PTPRD: variants seen among roughly 807,000 people sequenced by gnomAD.
PTPRD encodes protein tyrosine phosphatase receptor type D.
PTPRD carries 34 observed loss-of-function variants against 214.5 expected under a neutral mutation model. That is an observed-to-expected ratio of 0.16 (90% confidence interval 0.12 to 0.21). PTPRD has a LOEUF of 0.21. Ranked by LOEUF, PTPRD falls within the 10% of genes least tolerant of loss-of-function variation. The pLI is 1.00. For synonymous variants in PTPRD, 1,128 were observed against 845.7 expected (o/e 1.33, Z -5.79); for missense variants, 2,545 against 2,398.7 (o/e 1.06, Z -1.27).
At chr9:9,844,553 A>G (rs1297374435) in intron 5 of PTPRD, among the ~76,000 whole-genome samples, 1 of 152,040 alleles carries the variant, frequency 6.6e-6, no homozygotes, top group Non-Finnish European at 1.5e-5. Context: ...TATTTATAGC[A>G]TAAACAAAAA....
chr9:10,403,627 C>G (rs1199689910), intron 2 of PTPRD, among the ~76,000 whole-genome samples: 1 of 151,274 alleles, frequency 6.6e-6, no homozygotes, highest in Non-Finnish European at 1.5e-5. Flanking sequence ...GAACAATAAA[C>G]AAATTGTAGT....
intron 12 of PTPRD, among the ~76,000 whole-genome samples, chr9:8,667,780 A>G (rs751536674): frequency 2.6e-5 from 4 of 152,084 alleles, no homozygotes; most frequent in Non-Finnish European, 5.9e-5. Flanking sequence ...AATAAAATAA[A>G]AATCCAAAAT....
At chr9:9,924,560 A>C (rs934770587) in intron 5 of PTPRD, among the ~76,000 whole-genome samples, 2 of 151,636 alleles carry the variant, frequency 1.3e-5, no homozygotes, top group African/African-American at 4.9e-5. Context: ...TCCTTGCCCG[A>C]AACACTTTCC....
chr9:8,690,376 A>G (rs1360159770), intron 12 of PTPRD, among the ~76,000 whole-genome samples: 5 of 151,780 alleles, frequency 3.3e-5, no homozygotes, highest in Admixed American at 1.3e-4. Context: ...AAATATAAAA[A>G]ATTAGCCGGG....
rs183357395 is a variant in PTPRD, at chr9:9,774,181, T to A, written c.-367-7330A>T. ...GTGCCCCGCAGCTAGAAATGATGAATCTTCAGGTGCTACTTGGCTCTTCAA... is the reference window on the plus strand; with the variant it reads ...GTGCCCCGCAGCTAGAAATGATGAAACTTCAGGTGCTACTTGGCTCTTCAA... On this transcript the variant is annotated intron_variant, in intron 5 of 45. Coordinates refer to ENST00000381196, the MANE Select transcript of PTPRD (RefSeq NM_002839.4). 1.5e-4 allele frequency among the ~76,000 whole-genome samples: 23 copies of A among 152,270 alleles called. 1 individual carries two copies. In the East Asian group the frequency reaches 4.4e-3, roughly 29 times the overall value.
At chr9:8,868,486 G>T (rs1033606362) in intron 11 of PTPRD, among the ~76,000 whole-genome samples, 3 of 152,140 alleles carry the variant, frequency 2.0e-5, no homozygotes, top group Non-Finnish European at 2.9e-5. Flanking sequence ...TTACAGGCAT[G>T]AGCCACTGTG....
At chr9:9,849,693 G>A (rs2060185469) in intron 5 of PTPRD, among the ~76,000 whole-genome samples, 1 of 152,112 alleles carries the variant, frequency 6.6e-6, no homozygotes, top group African/African-American at 2.4e-5. Flanking sequence ...ATCTTCAGAT[G>A]TCAGTCCCCA....
chr9:10,373,308 G>C (rs1284487400), intron 2 of PTPRD, among the ~76,000 whole-genome samples: 4 of 152,030 alleles, frequency 2.6e-5, no homozygotes, highest in African/African-American at 4.8e-5. Context: ...GAATTGATCT[G>C]AATTTAGCCT....
At chr9:9,160,822 C>A (rs917992244) in intron 10 of PTPRD, among the ~76,000 whole-genome samples, 1 of 152,098 alleles carries the variant, frequency 6.6e-6, no homozygotes, top group Non-Finnish European at 1.5e-5. Flanking sequence ...GTTGTATACA[C>A]ACACAATGAA....
intron 11 of PTPRD, among the ~76,000 whole-genome samples, chr9:8,849,189 T>TA (rs1278447144): frequency 1.3e-5 from 2 of 149,246 alleles, no homozygotes; most frequent in African/African-American, 5.0e-5. Context: ...TTTTTTTTTT[T>TA]TTTTGAGACG....
rs1555494944 is a variant in PTPRD, at chr9:10,031,647, T to TACAC, written c.-472+2067_-472+2070dup. Among the ~76,000 whole-genome samples the TACAC allele has an allele frequency of 5.5e-4, 49 of 89,638 alleles. 2 individuals are homozygous for TACAC. The highest frequency in any genetic ancestry group is 3.8e-3 in the African/African-American group (47 of 12,358). The allele number at this position is 89,638 out of a possible 152,430, so 58.8% of individuals were successfully genotyped here. On this transcript the variant is annotated intron_variant, in intron 4 of 45. Coordinates refer to ENST00000381196, the MANE Select transcript of PTPRD (RefSeq NM_002839.4). Reference sequence around the variant, plus strand: ...CTCCATATATATATATATATATATATACACACACACACACACACATACACA... The same window carrying TACAC: ...CTCCATATATATATATATATATATATACACACACACACACACACACACATACACA...
chr9:9,776,669 C>T (rs2098800890), intron 5 of PTPRD, among the ~76,000 whole-genome samples: 1 of 152,178 alleles, frequency 6.6e-6, no homozygotes, highest in Non-Finnish European at 1.5e-5. Flanking sequence ...ACAACCTAAT[C>T]AGCCATTACA....
intron 10 of PTPRD, among the ~76,000 whole-genome samples, chr9:9,076,995 T>C (rs1255890754): frequency 6.6e-6 from 1 of 152,064 alleles, no homozygotes; most frequent in Non-Finnish European, 1.5e-5. Context: ...TAAAAGCCAT[T>C]TTAACTGGGA....
At chr9:9,494,878 A>G (rs1569568804) in intron 8 of PTPRD, among the ~76,000 whole-genome samples, 1 of 152,216 alleles carries the variant, frequency 6.6e-6, no homozygotes, top group Admixed American at 6.5e-5. Flanking sequence ...AAGAAAGAAG[A>G]AAACTGTAAG....
At chr9:8,861,227 C>T (rs1386557680) in intron 11 of PTPRD, 3 of 152,082 alleles carry the variant, frequency 2.0e-5, no homozygotes, top group African/African-American at 7.2e-5. Flanking sequence ...AAAATAATCA[C>T]GATGACAATA....
rs1486768758 is a variant in PTPRD at position 9,952,487 on chromosome 9, T to C, written c.-471-13877A>G. Among the ~76,000 whole-genome samples, 5 of 152,138 alleles carry C rather than the reference T, an allele frequency of 3.3e-5. No homozygotes were observed. The East Asian group carries it at 7.7e-4, about 23-fold the overall frequency. ...AAACTGGTGGAAAATAGAATGATGG[T>C]AAGCAGAAGGCCAACATCGTTCATT... On this transcript the variant is annotated intron_variant, in intron 4 of 45. Coordinates refer to ENST00000381196, the MANE Select transcript of PTPRD (RefSeq NM_002839.4).
intron 5 of PTPRD, among the ~76,000 whole-genome samples, chr9:9,883,577 T>C (rs1436857806): frequency 6.6e-6 from 1 of 152,146 alleles, no homozygotes; most frequent in African/African-American, 2.4e-5. Context: ...TTAAGAAGAA[T>C]AGATCATCTT....
intron 11 of PTPRD, among the ~76,000 whole-genome samples, chr9:8,917,305 T>G (rs2154266296): frequency 6.6e-6 from 1 of 151,424 alleles, no homozygotes; most frequent in African/African-American, 2.4e-5. Context: ...TTTTTTTTTT[T>G]TTTTGTATTT....
At chr9:10,044,209 A>G (rs2154145461) in intron 3 of PTPRD, among the ~76,000 whole-genome samples, 1 of 151,216 alleles carries the variant, frequency 6.6e-6, no homozygotes, top group South Asian at 2.1e-4. Flanking sequence ...TATTTTCAAC[A>G]TGAGTAAGAG....
Sources: allele counts gnomAD v4.1 joint callset (sites outside exome capture counted in the v4.1 genomes callset), GRCh38; gene constraint gnomAD v4.1.1; transcripts MANE v1.5; gene names NCBI Gene and HGNC (gene_info 2026-07-23, HGNC 2026-07-21).